NEK9: variants seen among roughly 807,000 people sequenced by gnomAD.
NEK9 encodes NIMA related kinase 9.
NEK9 carries 75 observed loss-of-function variants against 123.4 expected under a neutral mutation model. The ratio of observed to expected loss-of-function variants is 0.61; its 90% CI spans 0.50 to 0.74. The LOEUF (loss-of-function observed/expected upper bound fraction) is 0.74. Ranked by LOEUF, NEK9 falls within the 30% of genes least tolerant of loss-of-function variation. NEK9 has a pLI of 0.00. For synonymous variants in NEK9, 438 were observed against 458.7 expected (o/e 0.95, Z 0.58); for missense variants, 952 against 1,214.4 (o/e 0.78, Z 3.21).
At chr14:75,115,112 C>T (rs542603238) in intron 6 of NEK9, among the ~76,000 whole-genome samples, 16 of 20,104 alleles carry the variant, frequency 8.0e-4, no homozygotes, top group African/African-American at 1.6e-3. Context: ...CACGTGTGTG[C>T]GTACACACAC....
Position 75,124,040 on chromosome 14 carries a change from T to A in NEK9, c.397+6A>T. On this transcript the variant is annotated splice_donor_region_variant and intron_variant, in intron 2 of 21. Coordinates refer to ENST00000238616, the MANE Select transcript of NEK9 (RefSeq NM_033116.6). The stretch of plus-strand genomic sequence containing the variant: ...GCTGGAAAAGTCCCACTGAACTCTA[T>A]CTTACCATTACAATATTCCAGCTCA... 3.7e-6 allele frequency: 6 copies of A among 1,608,762 alleles called. No individual in the cohort carries two copies. The highest frequency in any genetic ancestry group is 5.1e-6 in the Non-Finnish European group (6 of 1,175,498).
chr14:75,102,643 T>C (rs175471), intron 14 of NEK9, among the ~76,000 whole-genome samples: 133,214 of 152,200 alleles, frequency 0.88, 58,494 homozygotes, highest in East Asian at 1. Context: ...TGAGCCACCG[T>C]GCCCGGCAAC....
At position 75,091,339 on chromosome 14, in the gene NEK9, TA is replaced by T; in HGVS notation, c.2372del (p.Leu791Ter). On this transcript the variant is annotated frameshift_variant, in exon 19 of 22. Coordinates refer to ENST00000238616, the MANE Select transcript of NEK9 (RefSeq NM_033116.6). LOFTEE classifies it high-confidence loss of function. Reference sequence around the variant, plus strand: ...TCCCCATGGCCTCTGTGGGACTGATTAAACCTTCCATTCCTCGGTCTGCTTC... The same window carrying T: ...TCCCCATGGCCTCTGTGGGACTGATTAACCTTCCATTCCTCGGTCTGCTTC... The part of the protein sequence containing the change: ...TMEADRGMEG[L>X]ISPTEAMGNS... 6.2e-7 allele frequency: 1 copy of T among 1,614,134 alleles called. No homozygotes were observed. Among genetic ancestry groups the T allele is most frequent in the South Asian group, 1.1e-5 (1 of 91,050 alleles).
chr14:75,117,194 C>G lies in NEK9; in HGVS notation c.762+1G>C, dbSNP rs1188549013. 7 of 1,611,970 alleles carry G rather than the reference C, an allele frequency of 4.3e-6. No homozygotes were observed. ...AATATGGGGATAATATGCCAACTTA[C>G]TGTAGCATCAAACGTCCTCTTTAAG... On this transcript the variant is annotated splice_donor_variant, in intron 6 of 21. Coordinates refer to ENST00000238616, the MANE Select transcript of NEK9 (RefSeq NM_033116.6). LOFTEE classifies it high-confidence loss of function.
intron 15 of NEK9, among the ~76,000 whole-genome samples, 187 bp from the exon 16 acceptor site, chr14:75,101,340 C>T (rs749743354): frequency 1.3e-5 from 2 of 152,072 alleles, no homozygotes; most frequent in Non-Finnish European, 1.5e-5. Context: ...ATCCAGTCAG[C>T]GACTCGATAT....
In NEK9 at chr14:75,083,020, G is replaced by T. The variant is rs142388282; in HGVS notation, c.*1544C>A. ...CCCATTGAACAGAGTTGCCTGTCCCGAGCAATGGGGTTCTCCCCAAGCATC... is the reference window on the plus strand; with the variant it reads ...CCCATTGAACAGAGTTGCCTGTCCCTAGCAATGGGGTTCTCCCCAAGCATC... On this transcript the variant is annotated 3_prime_UTR_variant, in exon 22 of 22. Coordinates refer to ENST00000238616, the MANE Select transcript of NEK9 (RefSeq NM_033116.6). 5.0e-6 allele frequency: 2 copies of T among 398,580 alleles called. No individual in the cohort carries two copies. The highest frequency in any genetic ancestry group is 4.1e-5 in the African/African-American group (2 of 48,740). The allele number at this position is 398,580 out of a possible 1,614,324, so 24.7% of individuals were successfully genotyped here. A position where few individuals can be genotyped will look rare whatever the true frequency, so the allele number is the denominator to read the frequency against.
chr14:75,121,638 T>C (rs1376239672), intron 2 of NEK9, among the ~76,000 whole-genome samples: 1 of 152,186 alleles, frequency 6.6e-6, no homozygotes, highest in Non-Finnish European at 1.5e-5. Context: ...CATTTGGGTT[T>C]GGGAATTTAA....
chr14:75,085,294 A>G (rs1036597178), intron 21 of NEK9, among the ~76,000 whole-genome samples: 3 of 152,194 alleles, frequency 2.0e-5, no homozygotes, highest in African/African-American at 7.2e-5. Flanking sequence ...CTCAGCCTGT[A>G]TATTATTTTC....
chr14:75,106,522 G>T lies in NEK9; in HGVS notation c.1508C>A (p.Ser503Tyr). The T allele has an allele frequency of 6.2e-7, 1 of 1,614,068 alleles. No individual in the cohort carries two copies. The highest frequency in any genetic ancestry group is 8.5e-7 in the Non-Finnish European group (1 of 1,180,014). Residue 503 changes from serine (S) to tyrosine (Y), a missense_variant, in exon 12 of 22, where the codon TCT (serine) becomes TAT (tyrosine). Transcript: ENST00000238616. ...CCTACCATATTCGCCACAGCCCCAA[G>T]AATAGACTTCCTTGTTTCGTGTCAG... ...VVLTRNKEVY[S>Y]WGCGEYGRLG...
chr14:75,123,796 C>G (rs558392308), intron 2 of NEK9, among the ~76,000 whole-genome samples: 1 of 152,136 alleles, frequency 6.6e-6, no homozygotes, highest in African/African-American at 2.4e-5. Flanking sequence ...TAAAATCCAA[C>G]CAAAGAAAAG....
In NEK9 at chr14:75,091,291, G is replaced by A. The variant is rs1482375540; in HGVS notation, c.2421C>T (p.Ser807=). 1 of 1,611,996 alleles carries A rather than the reference G, an allele frequency of 6.2e-7. No homozygotes were observed. Residue 807 remains serine, a synonymous_variant, in exon 19 of 22, where the codon TCC becomes TCT. Transcript: ENST00000238616. ...TTACCTTTCGAAGCCAGCCAGGACAGGAGCTGCTGGCCCCATTACTGTTCC... is the reference window on the plus strand; with the variant it reads ...TTACCTTTCGAAGCCAGCCAGGACAAGAGCTGCTGGCCCCATTACTGTTCC... ...AMGNSNGASS[S]CPGWLRKELE...
At position 75,083,215 on chromosome 14, in the gene NEK9, C is replaced by A; in HGVS notation, c.*1349G>T. 1 of 397,676 alleles carries A rather than the reference C, an allele frequency of 2.5e-6. No homozygotes were observed. Among genetic ancestry groups the A allele is most frequent in the Non-Finnish European group, 4.4e-6 (1 of 225,950 alleles). 24.6% of individuals were successfully genotyped at this position (397,676 alleles called of 1,614,324 possible). On this transcript the variant is annotated 3_prime_UTR_variant, in exon 22 of 22. Transcript: ENST00000238616. The stretch of plus-strand genomic sequence containing the variant: ...GACTCATCAAAGGTAGGATGTGTGA[C>A]ACAAAATACCACAGGAACATTTTAC...
intron 20 of NEK9, 89 bp downstream of exon 20, chr14:75,088,391 C>G: frequency 7.2e-7 from 1 of 1,385,400 alleles, no homozygotes. Flanking sequence ...CAGCTGAAAC[C>G]CAAAAGCTAG....
chr14:75,095,881 C>T (rs779760291), intron 17 of NEK9, among the ~76,000 whole-genome samples: 3 of 152,072 alleles, frequency 2.0e-5, no homozygotes, highest in Non-Finnish European at 4.4e-5. Context: ...CAGAGTGAGA[C>T]TCTGTCTCAA....
Position 75,125,383 on chromosome 14 carries a change from A to G in NEK9, c.220-1160T>C, listed in dbSNP as rs551051855. Among the ~76,000 whole-genome samples, 227 of 152,324 alleles carry G rather than the reference A, an allele frequency of 1.5e-3. 2 individuals carry two copies. Among genetic ancestry groups the G allele is most frequent in the South Asian group, 0.013 (63 of 4,830 alleles). On this transcript the variant is annotated intron_variant, in intron 1 of 21. Transcript: ENST00000238616. ...GAACTTTTGTAAATTCACAGATCTAATAAATATTTGGTGATATGGACAACG... is the reference window on the plus strand; with the variant it reads ...GAACTTTTGTAAATTCACAGATCTAGTAAATATTTGGTGATATGGACAACG...
In NEK9 at chr14:75,082,520, T is replaced by C. The variant is rs1893895459; in HGVS notation, c.*2044A>G. 1.3e-5 allele frequency: 2 copies of C among 153,904 alleles called. No individual in the cohort carries two copies. The highest frequency in any genetic ancestry group is 2.4e-5 in the African/African-American group (1 of 41,532). 9.5% of individuals were successfully genotyped at this position (153,904 alleles called of 1,614,324 possible). On this transcript the variant is annotated 3_prime_UTR_variant, in exon 22 of 22. Transcript: ENST00000238616. ...GAACTTAGATTCTCAGCCAGATTAA[T>C]AGCAAATCTAGACTTCCCAAGGGAA...
rs1029649265 is a variant in NEK9 at position 75,127,011 on chromosome 14, G to C, written c.-90C>G. The C allele has an allele frequency of 1.8e-6, 2 of 1,111,956 alleles. No homozygotes were observed. The highest frequency in any genetic ancestry group is 2.4e-6 in the Non-Finnish European group (2 of 817,758). 68.9% of individuals were successfully genotyped at this position (1,111,956 alleles called of 1,614,324 possible). A position where few individuals can be genotyped will look rare whatever the true frequency, so the allele number is the denominator to read the frequency against. On this transcript the variant is annotated 5_prime_UTR_variant, in exon 1 of 22. Coordinates refer to ENST00000238616, the MANE Select transcript of NEK9 (RefSeq NM_033116.6). Reference sequence around the variant, plus strand: ...CCGCTCGCTTCAGATGCCGGCCCGCGGATCCGTCAGCCCAGCAACCCCGCG... The same window carrying C: ...CCGCTCGCTTCAGATGCCGGCCCGCCGATCCGTCAGCCCAGCAACCCCGCG...
chr14:75,098,547 A>C (rs1894463797), intron 16 of NEK9, among the ~76,000 whole-genome samples: 1 of 152,158 alleles, frequency 6.6e-6, no homozygotes, highest in African/African-American at 2.4e-5. Context: ...GAGACAAGTG[A>C]GCCTTGGGGT....
intron 1 of NEK9, among the ~76,000 whole-genome samples, chr14:75,125,960 T>C (rs1286626156): frequency 2.0e-5 from 3 of 152,204 alleles, no homozygotes; most frequent in African/African-American, 7.2e-5. Flanking sequence ...TAACTTGGGA[T>C]TCCGTGATCC....
Sources: allele counts gnomAD v4.1 joint callset (sites outside exome capture counted in the v4.1 genomes callset), GRCh38; gene constraint gnomAD v4.1.1; transcripts MANE v1.5; gene names NCBI Gene and HGNC (gene_info 2026-07-23, HGNC 2026-07-21).